Variants in ATP6V1E2 observed in about 807,000 individuals in gnomAD.
ATP6V1E2 encodes V-type proton ATPase subunit E 2.
For synonymous variants in ATP6V1E2, 121 were observed against 104.2 expected, an observed-to-expected ratio of 1.16 and a Z score of -0.98; for missense variants, 308 against 273.3, an observed-to-expected ratio of 1.13 and a Z score of -0.90.
At chr2:46,512,877 GTA>G in intron 4 of ATP6V1E2, 65 bp from the exon 5 acceptor site, 1 of 612,220 alleles carries the variant, frequency 1.6e-6, no homozygotes, top group Non-Finnish European at 2.8e-6. Context: ...TACAGAGACT[GTA>G]TATATACCCC....
Position 46,512,493 on chromosome 2 carries a change from G to A in ATP6V1E2, c.219C>T (p.Ser73=). 6.2e-7 allele frequency: 1 copy of A among 1,614,092 alleles called. No homozygotes were observed. The highest frequency in any genetic ancestry group is 8.5e-7 in the Non-Finnish European group (1 of 1,180,004). Reference sequence around the variant, plus strand: ...TCAGCCTCGCCTGATTCCTCATGGTGGACATCAGGATTTTCTTCTGCTGCT... The same window carrying A: ...TCAGCCTCGCCTGATTCCTCATGGTAGACATCAGGATTTTCTTCTGCTGCT... ...QIEQQKKILM[S]TMRNQARLKV... is the part of the protein sequence containing the mutation. The change falls in exon 5 of 5, where the codon TCC becomes TCT. Residue 73 remains serine, a synonymous_variant. Coordinates refer to ENST00000522587, the MANE Select transcript of ATP6V1E2 (RefSeq NM_001318063.2).
At chr2:46,531,546 G>A (rs768642822) in intron 4 of ATP6V1E2, among the ~76,000 whole-genome samples, 1 of 152,192 alleles carries the variant, frequency 6.6e-6, no homozygotes, top group Non-Finnish European at 1.5e-5. Context: ...TATATACCTA[G>A]CTCTAGAATT....
rs1359521978 is a variant in ATP6V1E2 at position 46,541,735 on chromosome 2, A to G, written c.-373-282T>C. On this transcript the variant is annotated intron_variant, in intron 1 of 4. Coordinates refer to ENST00000522587, the MANE Select transcript of ATP6V1E2 (RefSeq NM_001318063.2). ...TCAGCGCAGAGTGCACCCCCGCCCC[A>G]ATGCCCAGTGTTCAATGCTGCATTC... 2.6e-5 allele frequency: 4 copies of G among 152,386 alleles called. No individual in the cohort carries two copies. The East Asian group carries it at 7.7e-4, about 29-fold the overall frequency. The allele number at this position is 152,386 out of a possible 1,614,324, so 9.4% of individuals were successfully genotyped here. A position where few individuals can be genotyped will look rare whatever the true frequency, so the allele number is the denominator to read the frequency against.
chr2:46,528,933 C>T (rs940449799), intron 4 of ATP6V1E2, among the ~76,000 whole-genome samples: 4 of 152,166 alleles, frequency 2.6e-5, no homozygotes, highest in Non-Finnish European at 5.9e-5. Context: ...GTTCCCAGAG[C>T]CCCTCATTCT....
chr2:46,522,513 T>G (rs1207272500), intron 4 of ATP6V1E2, among the ~76,000 whole-genome samples: 1 of 152,208 alleles, frequency 6.6e-6, no homozygotes, highest in Non-Finnish European at 1.5e-5. Context: ...ATTCCTGCAT[T>G]ACTTTGCTGA....
At chr2:46,537,935 C>T (rs986634922) in intron 2 of ATP6V1E2, among the ~76,000 whole-genome samples, 3 of 151,656 alleles carry the variant, frequency 2.0e-5, no homozygotes, top group African/African-American at 7.3e-5. Context: ...AGGAAGAAGT[C>T]CAAAGAAGAA....
At chr2:46,529,829 A>G (rs1347203789) in intron 4 of ATP6V1E2, among the ~76,000 whole-genome samples, 1 of 152,118 alleles carries the variant, frequency 6.6e-6, no homozygotes, top group Non-Finnish European at 1.5e-5. Context: ...TTGGGTGGTG[A>G]GGAAGTAGTT....
rs2103907105 is a variant in ATP6V1E2, at chr2:46,530,521, GTTA to G, written c.-102+5289_-102+5291del. 1.3e-5 allele frequency among the ~76,000 whole-genome samples: 2 copies of G among 152,276 alleles called. No individual in the cohort carries two copies. Among genetic ancestry groups the G allele is most frequent in the East Asian group, 3.9e-4 (2 of 5,188 alleles). ...CACCTGCCCTGCACTCTCCTCAAGTGTTATTATATATGATATAATTATCAGTAT... is the reference window on the plus strand; with the variant it reads ...CACCTGCCCTGCACTCTCCTCAAGTGTTATATATGATATAATTATCAGTAT... On this transcript the variant is annotated intron_variant, in intron 4 of 4. Coordinates refer to ENST00000522587, the MANE Select transcript of ATP6V1E2 (RefSeq NM_001318063.2). This position sits in a 1 kb window ranked among gnomAD's most constrained non-coding sequence, Gnocchi z 5.2.
At chr2:46,539,193 G>T (rs973671170) in intron 2 of ATP6V1E2, among the ~76,000 whole-genome samples, 22 of 152,152 alleles carry the variant, frequency 1.4e-4, no homozygotes, top group Admixed American at 1.4e-3. Context: ...GGTTGTTTGG[G>T]GGATGAAATA....
chr2:46,512,346 C>A lies in ATP6V1E2; in HGVS notation c.366G>T (p.Gln122His), dbSNP rs1409020651. 2 of 1,613,996 alleles carry A rather than the reference C, an allele frequency of 1.2e-6. No individual in the cohort carries two copies. The highest frequency in any genetic ancestry group is 1.7e-6 in the Non-Finnish European group (2 of 1,179,958). Residue 122 changes from glutamine (Q) to histidine (H), a missense_variant, in exon 5 of 5, where the codon CAG becomes CAT. Transcript: ENST00000522587. ...YQGLLDKLVL[Q>H]GLLRLLEPVM... ...CAGGTTCCAGCAGTCGGAGCAGACC[C>A]TGGAGCACCAGTTTATCCAGCAGCC...
At chr2:46,520,535 C>G (rs1572702781) in intron 4 of ATP6V1E2, among the ~76,000 whole-genome samples, 1 of 152,236 alleles carries the variant, frequency 6.6e-6, no homozygotes, top group South Asian at 2.1e-4. Flanking sequence ...CAGCCTCATT[C>G]CCACTTAACA....
intron 4 of ATP6V1E2, among the ~76,000 whole-genome samples, chr2:46,522,738 T>C (rs1014084852): frequency 1.3e-5 from 2 of 152,240 alleles, no homozygotes; most frequent in African/African-American, 4.8e-5. Flanking sequence ...TGATTTATAA[T>C]CTTTTGGGTA....
chr2:46,523,397 C>A (rs1390828602), intron 4 of ATP6V1E2, among the ~76,000 whole-genome samples: 2 of 152,126 alleles, frequency 1.3e-5, no homozygotes, highest in Non-Finnish European at 2.9e-5. Context: ...TAATCCATCT[C>A]AAGTTAATTT....
chr2:46,531,670 A>C (rs974811963), intron 4 of ATP6V1E2, among the ~76,000 whole-genome samples: 1 of 152,214 alleles, frequency 6.6e-6, no homozygotes, highest in Non-Finnish European at 1.5e-5. Context: ...CAATTTCTTC[A>C]CATCTTCACC....
At chr2:46,525,472 A>G (rs938718778) in intron 4 of ATP6V1E2, among the ~76,000 whole-genome samples, 3 of 122,148 alleles carry the variant, frequency 2.5e-5, no homozygotes, top group African/African-American at 3.4e-5. Flanking sequence ...AAAAAAAAAA[A>G]AAAAGAAAAA....
In ATP6V1E2 at chr2:46,518,610, T is replaced by G. The variant is rs1666428276; in HGVS notation, c.-101-5798A>C. Among the ~76,000 whole-genome samples the G allele has an allele frequency of 2.0e-5, 3 of 151,968 alleles. No homozygotes were observed. In the South Asian group the frequency reaches 6.2e-4, roughly 32 times the overall value. On this transcript the variant is annotated intron_variant, in intron 4 of 4. Transcript: ENST00000522587. ...TGTGACAAAGACCAAGCCCTTGGGT[T>G]CAATCTTACAAAATGTCATTAGAAG...
chr2:46,516,094 C>A (rs1687699628), intron 4 of ATP6V1E2, among the ~76,000 whole-genome samples: 1 of 152,128 alleles, frequency 6.6e-6, no homozygotes, highest in African/African-American at 2.4e-5. Flanking sequence ...AATTTCAATA[C>A]CCTACTGTCA....
intron 4 of ATP6V1E2, among the ~76,000 whole-genome samples, chr2:46,520,607 T>C (rs892321929): frequency 1.3e-5 from 2 of 152,348 alleles, no homozygotes; most frequent in Admixed American, 6.5e-5. Flanking sequence ...ATCCTGCCCA[T>C]ATATTCAGGC....
chr2:46,524,791 G>T (rs1003658145), intron 4 of ATP6V1E2, among the ~76,000 whole-genome samples: 5 of 152,224 alleles, frequency 3.3e-5, no homozygotes, highest in Admixed American at 1.3e-4. Flanking sequence ...AGGTCTGCGT[G>T]TGGAGAGCAG....
Sources: allele counts gnomAD v4.1 joint callset (sites outside exome capture counted in the v4.1 genomes callset), GRCh38; gene constraint gnomAD v4.1.1; non-coding constraint Gnocchi (gnomAD v3.1); transcripts MANE v1.5; gene names NCBI Gene and HGNC (gene_info 2026-07-23, HGNC 2026-07-21).